NAV2: variants seen among roughly 807,000 people sequenced by gnomAD.
NAV2 encodes the protein helicase, APC down-regulated 1.
Under a neutral mutation model 223.2 loss-of-function variants are expected in NAV2, and 54 were observed. The ratio of observed to expected loss-of-function variants is 0.24; its 90% CI spans 0.19 to 0.30. The LOEUF is 0.30. Ranked by LOEUF, NAV2 falls within the 10% of genes least tolerant of loss-of-function variation. The pLI, the probability that NAV2 is intolerant of heterozygous loss-of-function variation, is 1.00. For synonymous variants in NAV2, 1,279 were observed against 1,239.3 expected, an observed-to-expected ratio of 1.03 and a Z score of -0.67; for missense variants, 2,806 against 3,147.5, an observed-to-expected ratio of 0.89 and a Z score of 2.60.
At chr11:19,809,041 A>G (rs554166460) in intron 1 of NAV2, among the ~76,000 whole-genome samples, 2 of 152,238 alleles carry the variant, frequency 1.3e-5, no homozygotes, top group Non-Finnish European at 2.9e-5. Context: ...GAGATTCCCA[A>G]TACTTATTGT....
intron 3 of NAV2, among the ~76,000 whole-genome samples, chr11:19,846,409 C>A (rs1343046743): frequency 6.6e-6 from 1 of 152,114 alleles, no homozygotes; most frequent in African/African-American, 2.4e-5. Context: ...CTTTTCAGAC[C>A]TGGGACAAGC....
chr11:19,421,022 C>T (rs1335833672), intron 1 of NAV2, among the ~76,000 whole-genome samples: 1 of 152,202 alleles, frequency 6.6e-6, no homozygotes, highest in Non-Finnish European at 1.5e-5. Flanking sequence ...GATGTTGCTG[C>T]CTCTGAAGGT....
chr11:19,524,499 G>T (rs1480117702), intron 1 of NAV2, among the ~76,000 whole-genome samples: 2 of 152,116 alleles, frequency 1.3e-5, no homozygotes, highest in African/African-American at 4.8e-5. Flanking sequence ...CTGAACCCCT[G>T]GCTCCTTGGC....
At chr11:19,448,594 T>A (rs1851673865) in intron 1 of NAV2, among the ~76,000 whole-genome samples, 2 of 152,210 alleles carry the variant, frequency 1.3e-5, no homozygotes, top group South Asian at 4.1e-4. Context: ...TCGGACATTT[T>A]GTTTTACGAG....
At chr11:19,627,476 T>C (rs895040438) in intron 1 of NAV2, among the ~76,000 whole-genome samples, 5 of 151,808 alleles carry the variant, frequency 3.3e-5, no homozygotes, top group African/African-American at 9.7e-5. Flanking sequence ...AGTGGGAGGT[T>C]TTTCATGCAT....
At position 20,055,971 on chromosome 11, in the gene NAV2, G is replaced by A. The variant is rs774433818; in HGVS notation, c.4831+14G>A. Reference sequence around the variant, plus strand: ...GGTTTGAAGAAGGTAAGGAAGGAAAGGAAGAAGGTAAGGAAGGAAACTTCC... The same window carrying A: ...GGTTTGAAGAAGGTAAGGAAGGAAAAGAAGAAGGTAAGGAAGGAAACTTCC... On this transcript the variant is annotated intron_variant, in intron 19 of 37. Transcript: ENST00000349880. 6.2e-7 allele frequency: 1 copy of A among 1,608,874 alleles called. No individual in the cohort carries two copies. The highest frequency in any genetic ancestry group is 1.1e-5 in the South Asian group (1 of 90,778).
chr11:20,063,464 C>T (rs2058835933), intron 20 of NAV2, among the ~76,000 whole-genome samples: 1 of 152,158 alleles, frequency 6.6e-6, no homozygotes, highest in Non-Finnish European at 1.5e-5. Flanking sequence ...CCTCTGCCTC[C>T]TGGGTTCAAG....
In NAV2 at chr11:19,589,934, G is replaced by A. The variant is rs191940163; in HGVS notation, c.75+238907G>A. 3.3e-3 allele frequency among the ~76,000 whole-genome samples: 496 copies of A among 152,294 alleles called. 3 individuals carry two copies. Among genetic ancestry groups the A allele is most frequent in the African/African-American group, 0.011 (448 of 41,562 alleles). On this transcript the variant is annotated intron_variant, in intron 1 of 37. Transcript: ENST00000360655. ...GAGGCGGGATTCCAGCCTAGGCTCA[G>A]CCCTGAGCTCACCGTGGGGCCTGGG...
At chr11:19,885,746 T>G (rs2040911426) in intron 5 of NAV2, among the ~76,000 whole-genome samples, 1 of 152,246 alleles carries the variant, frequency 6.6e-6, no homozygotes, top group Non-Finnish European at 1.5e-5. Flanking sequence ...GATATCCAAG[T>G]GAAGTGTACT....
chr11:20,017,140 G>A (rs2054081228), intron 11 of NAV2, among the ~76,000 whole-genome samples: 1 of 152,206 alleles, frequency 6.6e-6, no homozygotes, highest in Non-Finnish European at 1.5e-5. Flanking sequence ...AGATGCAGAG[G>A]CACACTGACT....
At chr11:19,930,195 T>G (rs1255469927) in intron 6 of NAV2, among the ~76,000 whole-genome samples, 12 of 152,294 alleles carry the variant, frequency 7.9e-5, no homozygotes, top group Admixed American at 7.8e-4. Context: ...TGTCATGTGA[T>G]ATAAACCAGG....
intron 1 of NAV2, among the ~76,000 whole-genome samples, chr11:19,375,434 T>C (rs941246448): frequency 4.6e-5 from 7 of 152,168 alleles, no homozygotes; most frequent in African/African-American, 1.7e-4. Flanking sequence ...GCAAAATTCT[T>C]TGGGGTCCTA....
chr11:19,376,047 T>C (rs1848631936), intron 1 of NAV2, among the ~76,000 whole-genome samples: 1 of 152,196 alleles, frequency 6.6e-6, no homozygotes, highest in Non-Finnish European at 1.5e-5. Context: ...GTAGCCTTCA[T>C]TAATTATCTT....
intron 6 of NAV2, among the ~76,000 whole-genome samples, chr11:19,895,104 CTTTTT>C (rs71050690): frequency 0.1 from 10,410 of 99,230 alleles, 234 homozygotes; most frequent in Middle Eastern, 0.3. Context: ...CTTTTTCTTT[CTTTTT>C]TTTTTTTTTT....
At chr11:19,922,035 T>C (rs1480538175) in intron 6 of NAV2, among the ~76,000 whole-genome samples, 1 of 152,140 alleles carries the variant, frequency 6.6e-6, no homozygotes, top group Non-Finnish European at 1.5e-5. Flanking sequence ...GAGCAGAGAA[T>C]ATATAAAAAC....
At chr11:20,084,301 T>A (rs1391220809) in intron 26 of NAV2, among the ~76,000 whole-genome samples, 6 of 152,198 alleles carry the variant, frequency 3.9e-5, no homozygotes, top group African/African-American at 1.4e-4. Context: ...TTTCACCGTA[T>A]TGGTCAATCT....
At chr11:20,058,644 T>C (rs1225139130) in intron 19 of NAV2, among the ~76,000 whole-genome samples, 1 of 152,226 alleles carries the variant, frequency 6.6e-6, no homozygotes, top group African/African-American at 2.4e-5. Flanking sequence ...AAGCTTGTAT[T>C]GCAGCATGCT....
intron 1 of NAV2, among the ~76,000 whole-genome samples, chr11:19,383,577 A>G (rs1407489811): frequency 6.6e-6 from 1 of 152,220 alleles, no homozygotes; most frequent in East Asian, 1.9e-4. Context: ...TGAGAGAATC[A>G]AGTTTTGAAA....
intron 1 of NAV2, among the ~76,000 whole-genome samples, chr11:19,794,989 T>C (rs1428873743): frequency 6.6e-6 from 1 of 152,236 alleles, no homozygotes; most frequent in Admixed American, 6.5e-5. Flanking sequence ...CCTAGCGGCA[T>C]CTTTCTGCCC....
Sources: gnomAD v4.1 joint callset for allele counts (sites outside exome capture counted in the v4.1 genomes callset) on GRCh38, gnomAD v4.1.1 for gene constraint, MANE v1.5 for transcripts, NCBI Gene and HGNC (gene_info 2026-07-23, HGNC 2026-07-21) for gene names.